ZNF146: variants seen among roughly 807,000 people sequenced by gnomAD.
The protein encoded by ZNF146 is zinc finger protein OZF.
Under a neutral mutation model 22.2 loss-of-function variants are expected in ZNF146, and 9 were observed. The observed-to-expected ratio is 0.41, with a 90% CI of 0.24 to 0.71. The LOEUF (loss-of-function observed/expected upper bound fraction) is 0.71. ZNF146 is among the 30% of genes least tolerant of loss of function. ZNF146 has a pLI of 0.34. For synonymous variants in ZNF146, 108 were observed against 119.2 expected (o/e 0.91, Z 0.61); for missense variants, 194 against 344.8 (o/e 0.56, Z 3.46).
In ZNF146 at chr19:36,215,211, T is replaced by C. The variant is rs1290563466; in HGVS notation, c.-929+15T>C. ...GAAAGTAGGAGGTGGGATCTGGGCG[T>C]CTCGGGTCGGTCGGACCGGGGAGGT... On this transcript the variant is annotated intron_variant, in intron 1 of 3. Coordinates refer to ENST00000443387, the MANE Select transcript of ZNF146 (RefSeq NM_007145.3). 6.6e-6 allele frequency: 1 copy of C among 152,128 alleles called. No homozygotes were observed. Among genetic ancestry groups the C allele is most frequent in the African/African-American group, 2.4e-5 (1 of 41,358 alleles). 9.4% of individuals were successfully genotyped at this position (152,128 alleles called of 1,614,324 possible). A position where few individuals can be genotyped will look rare whatever the true frequency, so the allele number is the denominator to read the frequency against.
At chr19:36,217,550 G>C (rs1402447010) in intron 1 of ZNF146, among the ~76,000 whole-genome samples, 2 of 152,094 alleles carry the variant, frequency 1.3e-5, no homozygotes, top group Non-Finnish European at 2.9e-5. Flanking sequence ...TTAACTGAGA[G>C]AAAGCAAGGT....
In ZNF146 at chr19:36,237,207, C is replaced by G; in HGVS notation, c.767C>G (p.Ala256Gly). 1 of 1,614,100 alleles carries G rather than the reference C, an allele frequency of 6.2e-7. No homozygotes were observed. Reference protein sequence around the residue: ...GKAFSQFSTLALHLRIHTGKK... With the variant: ...GKAFSQFSTLGLHLRIHTGKK... ...GCTTTCTCTCAGTTCTCAACCCTTGCTCTGCATTTGAGAATACACACAGGT... is the reference window on the plus strand; with the variant it reads ...GCTTTCTCTCAGTTCTCAACCCTTGGTCTGCATTTGAGAATACACACAGGT... Residue 256 changes from alanine to glycine, a missense_variant, in exon 4 of 4, where the codon GCT (alanine) becomes GGT (glycine). By Grantham distance (60) the Ala-to-Gly change is moderately conservative. Coordinates refer to ENST00000443387, the MANE Select transcript of ZNF146 (RefSeq NM_007145.3).
chr19:36,228,158 C>CAAA (rs71171422), intron 2 of ZNF146, among the ~76,000 whole-genome samples: 235 of 106,616 alleles, frequency 2.2e-3, no homozygotes, highest in Non-Finnish European at 3.5e-3. Flanking sequence ...GAAACTGTCT[C>CAAA]AAAAAAAAAA....
intron 2 of ZNF146, among the ~76,000 whole-genome samples, chr19:36,220,384 A>C (rs888114357): frequency 6.8e-6 from 1 of 147,114 alleles, no homozygotes; most frequent in African/African-American, 2.4e-5. Context: ...TTTATTTTTG[A>C]GACGGAGTCT....
At chr19:36,230,013 C>T (rs1030357795) in intron 3 of ZNF146, among the ~76,000 whole-genome samples, 4 of 152,186 alleles carry the variant, frequency 2.6e-5, no homozygotes, top group Non-Finnish European at 5.9e-5. Flanking sequence ...AGCCACCGCG[C>T]CTGGCTAACG....
intron 3 of ZNF146, among the ~76,000 whole-genome samples, chr19:36,232,615 T>TC (rs1011062496): frequency 4.0e-4 from 60 of 151,296 alleles, no homozygotes; most frequent in African/African-American, 1.4e-3. Context: ...TTTTCTTTTT[T>TC]TTTTTTTTCC....
At chr19:36,233,974 A>G (rs143433837) in intron 3 of ZNF146, among the ~76,000 whole-genome samples, 46 of 152,188 alleles carry the variant, frequency 3.0e-4, no homozygotes, top group African/African-American at 9.9e-4. Context: ...ATTTCAGACT[A>G]TCACATGGGG....
In ZNF146 at chr19:36,231,201, A is replaced by G. The variant is rs75186918; in HGVS notation, c.-783+2382A>G. ...AACATGGAGAAACCCTGTCTCTACT[A>G]AAAATACAAAAGTTCTTCTTTTTTT... is the stretch of plus-strand genomic sequence containing the variant. On this transcript the variant is annotated intron_variant, in intron 3 of 3. Transcript: ENST00000443387. Among the ~76,000 whole-genome samples, 969 of 152,130 alleles carry G rather than the reference A, an allele frequency of 6.4e-3. 12 individuals are homozygous for G. Among genetic ancestry groups the G allele is most frequent in the African/African-American group, 0.022 (919 of 41,510 alleles).
rs1977643328 is a variant in ZNF146, at chr19:36,236,350, T to C, written c.-91T>C. ...AGAAGCCTTATAAATGTAAGAGATG[T>C]GGAAATATCTTCAGCCAAAAGTAAA... On this transcript the variant is annotated 5_prime_UTR_variant, in exon 4 of 4. Transcript: ENST00000443387. 6.9e-7 allele frequency: 1 copy of C among 1,441,856 alleles called. No individual in the cohort carries two copies. Among genetic ancestry groups the C allele is most frequent in the African/African-American group, 1.4e-5 (1 of 70,200 alleles). The allele number at this position is 1,441,856 out of a possible 1,614,324, so 89.3% of individuals were successfully genotyped here.
intron 3 of ZNF146, among the ~76,000 whole-genome samples, 186 bp downstream of exon 3, chr19:36,229,005 T>C (rs1163829295): frequency 6.6e-6 from 1 of 152,238 alleles, no homozygotes; most frequent in African/African-American, 2.4e-5. Context: ...TTTCACCAGA[T>C]TCTAGAGGGG....
intron 1 of ZNF146, among the ~76,000 whole-genome samples, chr19:36,217,584 G>A (rs536013294): frequency 1.3e-5 from 2 of 152,128 alleles, no homozygotes; most frequent in South Asian, 2.1e-4. Flanking sequence ...TATGATACAC[G>A]ATGCATTTGG....
chr19:36,223,850 A>T (rs949833666), intron 2 of ZNF146, among the ~76,000 whole-genome samples: 1 of 137,736 alleles, frequency 7.3e-6, no homozygotes, highest in African/African-American at 3.3e-5. Context: ...CGCTAATTTA[A>T]AAAAAAAAAA....
chr19:36,227,101 T>G (rs1330731436), intron 2 of ZNF146, among the ~76,000 whole-genome samples: 4 of 140,494 alleles, frequency 2.8e-5, no homozygotes, highest in Admixed American at 2.8e-4. Context: ...AAAAAATTTT[T>G]TTTTTGGCTG....
chr19:36,223,197 A>G (rs1976926893), intron 2 of ZNF146, among the ~76,000 whole-genome samples: 1 of 151,784 alleles, frequency 6.6e-6, no homozygotes, highest in Non-Finnish European at 1.5e-5. Flanking sequence ...CGGGTAGATC[A>G]CTTGAGGTCA....
intron 2 of ZNF146, among the ~76,000 whole-genome samples, chr19:36,218,623 G>A (rs1246236451): frequency 2.0e-5 from 3 of 151,526 alleles, no homozygotes; most frequent in Non-Finnish European, 4.4e-5. Flanking sequence ...CAGCCACCAC[G>A]CCTGGCTAAT....
chr19:36,221,895 A>G (rs1205106660), intron 2 of ZNF146, among the ~76,000 whole-genome samples: 2 of 143,484 alleles, frequency 1.4e-5, no homozygotes, highest in Non-Finnish European at 3.0e-5. Flanking sequence ...TAATAACAGT[A>G]TGTCCTAGAG....
Position 36,236,986 on chromosome 19 carries a change from AC to A in ZNF146, c.549del (p.Tyr184MetfsTer20). On this transcript the variant is annotated frameshift_variant, in exon 4 of 4. Coordinates refer to ENST00000443387, the MANE Select transcript of ZNF146 (RefSeq NM_007145.3). LOFTEE classifies it high-confidence loss of function. ...ATCAGAACATTCACACTGGAGAGAA[AC>A]CCTATGAATGTAACGAATGTGGAAA... ...KHQNIHTGEK[P>X]YECNECGKAF... 1 of 1,614,144 alleles carries A rather than the reference AC, an allele frequency of 6.2e-7. No individual in the cohort carries two copies. Among genetic ancestry groups the A allele is most frequent in the Non-Finnish European group, 8.5e-7 (1 of 1,180,018 alleles).
rs560192962 is a variant in ZNF146, at chr19:36,238,289, C to A, written c.*970C>A. On this transcript the variant is annotated 3_prime_UTR_variant, in exon 4 of 4. Transcript: ENST00000443387. ...GTTTCCTCATAAAACTCAGTACTAT[C>A]TATTGGTAATGGATGCATATATGTA... The A allele has an allele frequency of 7.9e-4, 132 of 167,176 alleles. No individual in the cohort carries two copies. The highest frequency in any genetic ancestry group is 3.1e-3 in the African/African-American group (127 of 41,564). 10.4% of individuals were successfully genotyped at this position (167,176 alleles called of 1,614,324 possible). A position where few individuals can be genotyped will look rare whatever the true frequency, so the allele number is the denominator to read the frequency against.
chr19:36,219,312 C>T (rs1055417581), intron 2 of ZNF146, among the ~76,000 whole-genome samples: 1 of 152,106 alleles, frequency 6.6e-6, no homozygotes, highest in African/African-American at 2.4e-5. Flanking sequence ...CAGGTGTGTG[C>T]CACCACGACC....
Sources: allele counts gnomAD v4.1 joint callset (sites outside exome capture counted in the v4.1 genomes callset), GRCh38; gene constraint gnomAD v4.1.1; transcripts MANE v1.5; gene names NCBI Gene and HGNC (gene_info 2026-07-23, HGNC 2026-07-21).